The following OBP2A variants were observed in gnomAD, a reference collection of about 807,000 sequenced individuals.
The protein encoded by OBP2A is odorant binding protein 2A, also known as odorant-binding protein 2a.
In OBP2A, 15 loss-of-function variants were observed where a neutral mutation model predicts 21.9. That is an observed-to-expected ratio of 0.69 (90% CI 0.46 to 1.06). The LOEUF (loss-of-function observed/expected upper bound fraction) is 1.06, where lower values mean the gene tolerates loss of function less well. OBP2A is among the 50% of genes least tolerant of loss of function. The pLI, the probability that OBP2A is intolerant of heterozygous loss-of-function variation, is 0.00. For synonymous variants in OBP2A, 86 were observed against 91.8 expected (o/e 0.94, Z 0.36); for missense variants, 192 against 220.1 (o/e 0.87, Z 0.81).
chr9:135,546,933 G>A, intron 2 of OBP2A, 22 bp downstream of exon 2: 1 of 1,610,552 alleles, frequency 6.2e-7, no homozygotes, highest in Non-Finnish European at 8.5e-7. Flanking sequence ...CCACTGCAGG[G>A]CCCCTCAGGC....
rs2119002682 is a variant in OBP2A, at chr9:135,549,822, C to T, written c.*2-15C>T. On this transcript the variant is annotated splice_polypyrimidine_tract_variant and intron_variant, in intron 6 of 6. Coordinates refer to ENST00000371776, the MANE Select transcript of OBP2A (RefSeq NM_014582.3). Reference sequence around the variant, plus strand: ...CCTGCAGCCTCCCTGACCTCTGCTCCTCTTCCCAGCACAGCAGCCCCCGGG... The same window carrying T: ...CCTGCAGCCTCCCTGACCTCTGCTCTTCTTCCCAGCACAGCAGCCCCCGGG... 2.0e-6 allele frequency: 3 copies of T among 1,529,496 alleles called. No individual in the cohort carries two copies. The highest frequency in any genetic ancestry group is 2.4e-5 in the South Asian group (2 of 82,752). The allele number at this position is 1,529,496 out of a possible 1,614,324, so 94.7% of individuals were successfully genotyped here.
chr9:135,548,081 A>G, intron 4 of OBP2A, 100 bp downstream of exon 4: 1 of 842,484 alleles, frequency 1.2e-6, no homozygotes, highest in Non-Finnish European at 1.8e-6. Flanking sequence ...GGGGAAAAGG[A>G]AGCCCCCTGC....
rs1831947743 is a variant in OBP2A at position 135,546,844 on chromosome 9, A to G, written c.139A>G (p.Arg47Gly). The change falls in exon 2 of 7, where the codon AGG becomes GGG. Residue 47 changes from arginine to glycine, a missense_variant. By Grantham distance (125) the Arg-to-Gly change is moderately radical (BLOSUM62 -2). Coordinates refer to ENST00000371776, the MANE Select transcript of OBP2A (RefSeq NM_014582.3). The stretch of plus-strand genomic sequence containing the variant: ...GGACTTTCCGGAGGACAGGAGGCCC[A>G]GGAAGGTGTCCCCAGTGAAGGTGAC... The part of the protein sequence containing the change: ...DKDFPEDRRP[R>G]KVSPVKVTAL... 3 of 1,613,602 alleles carry G rather than the reference A, an allele frequency of 1.9e-6. No individual in the cohort carries two copies. Among genetic ancestry groups the G allele is most frequent in the African/African-American group, 2.7e-5 (2 of 74,904 alleles).
chr9:135,548,857 T>C (rs576911083), intron 5 of OBP2A, 48 bp downstream of exon 5: 3 of 1,588,122 alleles, frequency 1.9e-6, no homozygotes, highest in Non-Finnish European at 8.6e-7. Flanking sequence ...TGTCTCTGTG[T>C]GATCTCCAGT....
Position 135,549,940 on chromosome 9 carries a change from C to G in OBP2A, c.*105C>G. 6.5e-7 allele frequency: 1 copy of G among 1,532,788 alleles called. No individual in the cohort carries two copies. Among genetic ancestry groups the G allele is most frequent in the Non-Finnish European group, 8.8e-7 (1 of 1,137,240 alleles). The allele number at this position is 1,532,788 out of a possible 1,614,324, so 94.9% of individuals were successfully genotyped here. The stretch of plus-strand genomic sequence containing the variant: ...CATGACCCTTCCCTGCTCCCACCCA[C>G]CTGACTCCAAATAAAGAGCTTCTCC... On this transcript the variant is annotated 3_prime_UTR_variant, in exon 7 of 7. Coordinates refer to ENST00000371776, the MANE Select transcript of OBP2A (RefSeq NM_014582.3).
intron 2 of OBP2A, 67 bp downstream of exon 2, chr9:135,546,978 C>T: frequency 1.2e-6 from 2 of 1,600,474 alleles, no homozygotes; most frequent in Non-Finnish European, 1.7e-6. Flanking sequence ...CACCTGGTGC[C>T]CATTGCCCCA....
At chr9:135,549,576 G>T in intron 6 of OBP2A, 1 of 597,404 alleles carries the variant, frequency 1.7e-6, no homozygotes. Flanking sequence ...TCCACAGCGA[G>T]GCCTCCCTCC....
chr9:135,549,025 G>C (rs28596777), intron 5 of OBP2A, among the ~76,000 whole-genome samples: 1,779 of 44,434 alleles, frequency 0.04, 331 homozygotes, highest in Admixed American at 0.099. Context: ...GGCTGCGATG[G>C]GGTCTGGGGC....
At position 135,548,735 on chromosome 9, in the gene OBP2A, C is replaced by A; in HGVS notation, c.416C>A (p.Ala139Asp). 1 of 1,614,076 alleles carries A rather than the reference C, an allele frequency of 6.2e-7. No homozygotes were observed. Among genetic ancestry groups the A allele is most frequent in the South Asian group, 1.1e-5 (1 of 91,074 alleles). The change falls in exon 5 of 7, where the codon GCC (alanine) becomes GAC (aspartate). Residue 139 changes from alanine (A) to aspartate (D), a missense_variant. Coordinates refer to ENST00000371776, the MANE Select transcript of OBP2A (RefSeq NM_014582.3). The part of the protein sequence containing the change: ...VGRNPNTNLE[A>D]LEEFKKLVQH... ...AGGAATCCTAATACCAACCTGGAGG[C>A]CCTGGAAGAATTTAAGAAATTGGTG...
chr9:135,547,219 A>AGACG lies in OBP2A; in HGVS notation c.251_254dup (p.Glu85AspfsTer48), dbSNP rs1831963873. 1 of 1,613,254 alleles carries AGACG rather than the reference A, an allele frequency of 6.2e-7. No homozygotes were observed. Among genetic ancestry groups the AGACG allele is most frequent in the African/African-American group, 1.3e-5 (1 of 74,882 alleles). On this transcript the variant is annotated frameshift_variant, in exon 3 of 7. Transcript: ENST00000371776. LOFTEE classifies it high-confidence loss of function. ...ATCCAGAAGAAAATCCTGATGCGGA[A>AGACG]GACGGAGGAGCCTGGCAAATTCAGC...
chr9:135,548,389 G>C (rs1205507416), intron 4 of OBP2A, among the ~76,000 whole-genome samples: 1 of 143,626 alleles, frequency 7.0e-6, no homozygotes, highest in African/African-American at 2.5e-5. Flanking sequence ...GAGCTGCCCA[G>C]GTCCCCCTGG....
chr9:135,548,237 AG>A (rs1470619437), intron 4 of OBP2A, among the ~76,000 whole-genome samples: 1 of 152,124 alleles, frequency 6.6e-6, no homozygotes, highest in African/African-American at 2.4e-5. Context: ...TCTCAGGTGT[AG>A]GGGCCTCACC....
chr9:135,547,872 T>A lies in OBP2A; in HGVS notation c.279T>A (p.Tyr93Ter). The part of the protein sequence containing the change: ...KTEEPGKFSA[Y>*]GGRKLIYLQE... Reference sequence around the variant, plus strand: ...ACCCATCTTCTCTGTCATCTACAGATGGGGGCAGGAAGCTCATATACCTGC... The same window carrying A: ...ACCCATCTTCTCTGTCATCTACAGAAGGGGGCAGGAAGCTCATATACCTGC... Residue 93 changes from tyrosine to a stop codon, truncating the protein, a stop_gained and splice_region_variant, in exon 4 of 7, where the codon TAT becomes TAA. Transcript: ENST00000371776. LOFTEE classifies it high-confidence loss of function. 1 of 1,607,140 alleles carries A rather than the reference T, an allele frequency of 6.2e-7. No homozygotes were observed. Among genetic ancestry groups the A allele is most frequent in the Non-Finnish European group, 8.5e-7 (1 of 1,176,820 alleles).
rs531834640 is a variant in OBP2A, at chr9:135,547,439, A to G, written c.277+191A>G. Among the ~76,000 whole-genome samples the G allele has an allele frequency of 2.4e-3, 358 of 152,298 alleles. 2 individuals are homozygous for G. Among genetic ancestry groups the G allele is most frequent in the African/African-American group, 8.0e-3 (331 of 41,566 alleles). ...GACACCAGGTGTGACAGGCTTGTCCACAGTAGAGATGGACCAGATCAAGCC... is the reference window on the plus strand; with the variant it reads ...GACACCAGGTGTGACAGGCTTGTCCGCAGTAGAGATGGACCAGATCAAGCC... On this transcript the variant is annotated intron_variant, in intron 3 of 6. Coordinates refer to ENST00000371776, the MANE Select transcript of OBP2A (RefSeq NM_014582.3).
At position 135,546,242 on chromosome 9, in the gene OBP2A, A is replaced by T; in HGVS notation, c.62A>T (p.Glu21Val). Residue 21 changes from glutamate (E) to valine (V), a missense_variant, in exon 1 of 7, where the codon GAG (glutamate) becomes GTG (valine). Coordinates refer to ENST00000371776, the MANE Select transcript of OBP2A (RefSeq NM_014582.3). Reference protein sequence around the residue: ...GLAAALSFTLEEEDITGTWYV... With the variant: ...GLAAALSFTLVEEDITGTWYV... ...GCCGCTGCCCTGTCCTTCACCCTGG[A>T]GGAGGAGGATGTGAGCTGGGTTGGC... 6.6e-7 allele frequency: 1 copy of T among 1,508,950 alleles called. No homozygotes were observed. 93.5% of individuals were successfully genotyped at this position (1,508,950 alleles called of 1,614,324 possible).
chr9:135,549,244 C>A, intron 5 of OBP2A, 64 bp from the exon 6 acceptor site: 1 of 997,196 alleles, frequency 1.0e-6, no homozygotes, highest in South Asian at 1.6e-5. Flanking sequence ...CCCTGGGCTG[C>A]GATGGGGTCT....
Position 135,547,872 on chromosome 9 carries a change from T to C in OBP2A, c.279T>C (p.Tyr93=). Residue 93 remains tyrosine (Y), a splice_region_variant and synonymous_variant, in exon 4 of 7, where the codon TAT becomes TAC. Transcript: ENST00000371776. Reference sequence around the variant, plus strand: ...ACCCATCTTCTCTGTCATCTACAGATGGGGGCAGGAAGCTCATATACCTGC... The same window carrying C: ...ACCCATCTTCTCTGTCATCTACAGACGGGGGCAGGAAGCTCATATACCTGC... The part of the protein sequence containing the change: ...KTEEPGKFSA[Y]GGRKLIYLQE... 6.2e-7 allele frequency: 1 copy of C among 1,607,140 alleles called. No homozygotes were observed. Among genetic ancestry groups the C allele is most frequent in the South Asian group, 1.1e-5 (1 of 90,288 alleles).
At chr9:135,547,361 C>T in intron 3 of OBP2A, 113 bp downstream of exon 3, 1 of 1,223,038 alleles carries the variant, frequency 8.2e-7, no homozygotes, top group Non-Finnish European at 1.2e-6. Flanking sequence ...CCCTGCCCAC[C>T]TCCAAGGAGG....
rs371191828 is a variant in OBP2A, at chr9:135,546,795, C to T, written c.90C>T (p.Tyr30=). 1.1e-5 allele frequency: 18 copies of T among 1,611,670 alleles called. No individual in the cohort carries two copies. The highest frequency in any genetic ancestry group is 1.7e-5 in the Admixed American group (1 of 59,772). ...LEEEDITGTW[Y]VKAMVVDKDF... ...TGCTCCAGATCACAGGGACCTGGTA[C>T]GTGAAGGCCATGGTGGTCGATAAGG... Residue 30 remains tyrosine, a synonymous_variant, in exon 2 of 7, where the codon TAC becomes TAT. Transcript: ENST00000371776.
Sources: gnomAD v4.1 joint callset for allele counts (sites outside exome capture counted in the v4.1 genomes callset) on GRCh38, gnomAD v4.1.1 for gene constraint, MANE v1.5 for transcripts, NCBI Gene and HGNC (gene_info 2026-07-23, HGNC 2026-07-21) for gene names.